PRXL2B: variants seen among roughly 807,000 people sequenced by gnomAD.
The protein encoded by PRXL2B is prostamide/prostaglandin F synthase.
PRXL2B carries 26 observed loss-of-function variants against 24.4 expected under a neutral mutation model. That is an observed-to-expected ratio of 1.07 (90% CI 0.78 to 1.48). PRXL2B has a LOEUF of 1.48. Among genes scored for constraint, PRXL2B ranks in the 40% most tolerant of loss-of-function variants. PRXL2B has a pLI of 0.00. For missense variants in PRXL2B, 269 were observed against 264.8 expected (o/e 1.02, Z -0.11); for synonymous variants, 115 against 118.9 (o/e 0.97, Z 0.21).
In PRXL2B at chr1:2,587,093, C is replaced by T. The variant is rs1485132279; in HGVS notation, c.66C>T (p.Ala22=). The T allele has an allele frequency of 1.3e-6, 2 of 1,529,420 alleles. No individual in the cohort carries two copies. The highest frequency in any genetic ancestry group is 1.4e-5 in the African/African-American group (1 of 71,686). 94.7% of individuals were successfully genotyped at this position (1,529,420 alleles called of 1,614,324 possible). Residue 22 remains alanine (A), a splice_region_variant and synonymous_variant, in exon 2 of 7, where the codon GCC becomes GCT. Coordinates refer to ENST00000419916, the MANE Select transcript of PRXL2B (RefSeq NM_152371.5). This position sits in a 1 kb window ranked among gnomAD's most constrained non-coding sequence, Gnocchi z 6.1. ...CILKHAVTGE[A]VELRSLWREH... ...CCCATGACCCAGCCGCCCGGCAGGC[C>T]GTGGAGCTGCGGAGCCTGTGGCGGG...
At chr1:2,589,156 T>G in intron 6 of PRXL2B, 116 bp downstream of exon 6, 1 of 1,104,110 alleles carries the variant, frequency 9.1e-7, no homozygotes, top group Non-Finnish European at 1.3e-6. Flanking sequence ...ATCATGCCAA[T>G]TGTGCCCTGG....
rs748511473 is a variant in PRXL2B, at chr1:2,587,308, C to T, written c.268+13C>T. Reference sequence around the variant, plus strand: ...TACTTCGCGGGAGGTGCGTCCTGTTCCCCGCCGCGGCGGCGCACATACCCT... The same window carrying T: ...TACTTCGCGGGAGGTGCGTCCTGTTTCCCGCCGCGGCGGCGCACATACCCT... On this transcript the variant is annotated intron_variant, in intron 2 of 6. Coordinates refer to ENST00000419916, the MANE Select transcript of PRXL2B (RefSeq NM_152371.5). This position sits in a 1 kb window ranked among gnomAD's most constrained non-coding sequence, Gnocchi z 6.1. 7.1e-6 allele frequency: 11 copies of T among 1,552,952 alleles called. No homozygotes were observed. The highest frequency in any genetic ancestry group is 3.5e-5 in the South Asian group (3 of 85,392).
chr1:2,587,322 C>T lies in PRXL2B; in HGVS notation c.268+27C>T. On this transcript the variant is annotated intron_variant, in intron 2 of 6. Coordinates refer to ENST00000419916, the MANE Select transcript of PRXL2B (RefSeq NM_152371.5). The surrounding 1 kb of genome is among the most constrained non-coding windows in gnomAD (Gnocchi z 6.1). The stretch of plus-strand genomic sequence containing the variant: ...TGCGTCCTGTTCCCCGCCGCGGCGG[C>T]GCACATACCCTTCCCTAAGCTCAGG... 1 of 1,542,662 alleles carries T rather than the reference C, an allele frequency of 6.5e-7. No individual in the cohort carries two copies. Among genetic ancestry groups the T allele is most frequent in the Non-Finnish European group, 8.7e-7 (1 of 1,150,030 alleles).
In PRXL2B at chr1:2,590,914, G is replaced by T. The variant is rs1253641427; in HGVS notation, c.*1487G>T. On this transcript the variant is annotated 3_prime_UTR_variant, in exon 7 of 7. Coordinates refer to ENST00000419916, the MANE Select transcript of PRXL2B (RefSeq NM_152371.5). ...GCCGGGGCGGGACGTACACTGGGTC[G>T]CCGCTAGCTGCACCTTCGCACAGAT... 8.6e-7 allele frequency: 1 copy of T among 1,164,038 alleles called. No homozygotes were observed. Among genetic ancestry groups the T allele is most frequent in the Non-Finnish European group, 1.1e-6 (1 of 886,978 alleles). 72.1% of individuals were successfully genotyped at this position (1,164,038 alleles called of 1,614,324 possible).
rs1348424042 is a variant in PRXL2B, at chr1:2,591,244, C to A, written c.*1817C>A. On this transcript the variant is annotated 3_prime_UTR_variant, in exon 7 of 7. Transcript: ENST00000419916. ...TTTCAACCATGAGATAAACCCCCAT[C>A]TGACCAGAAACATGCCAATCCTGAG... 1.5e-5 allele frequency: 9 copies of A among 607,894 alleles called. No individual in the cohort carries two copies. Among genetic ancestry groups the A allele is most frequent in the Non-Finnish European group, 2.6e-5 (9 of 348,518 alleles). The allele number at this position is 607,894 out of a possible 1,614,324, so 37.7% of individuals were successfully genotyped here.
Position 2,586,904 on chromosome 1 carries a change from G to C in PRXL2B, c.19G>C (p.Ala7Pro), listed in dbSNP as rs542158618. 57 of 1,311,592 alleles carry C rather than the reference G, an allele frequency of 4.3e-5. 1 individual carries two copies. The East Asian group carries it at 1.7e-3, about 39-fold the overall frequency. 81.2% of individuals were successfully genotyped at this position (1,311,592 alleles called of 1,614,324 possible). A position where few individuals can be genotyped will look rare whatever the true frequency, so the allele number is the denominator to read the frequency against. ...GGCCGCCATGAGCACGGTGGACCTT[G>C]CTCGCGTGGGCGCGTGCATCCTGAA... MSTVDLARVGACILKHA... is the reference protein window; with the variant it reads MSTVDLPRVGACILKHA... Residue 7 changes from alanine to proline, a missense_variant, in exon 1 of 7, where the codon GCT (alanine) becomes CCT (proline). Physicochemically the swap from Ala to Pro is conservative, Grantham distance 27. Transcript: ENST00000419916.
chr1:2,588,158 C>T (rs1644573493), intron 3 of PRXL2B, among the ~76,000 whole-genome samples: 1 of 152,168 alleles, frequency 6.6e-6, no homozygotes, highest in South Asian at 2.1e-4. Context: ...GGGGCCCCAT[C>T]CATGCTCCCT....
chr1:2,590,945 C>G lies in PRXL2B; in HGVS notation c.*1518C>G, dbSNP rs61729818. The G allele has an allele frequency of 3.5e-6, 5 of 1,410,884 alleles. No homozygotes were observed. The highest frequency in any genetic ancestry group is 1.5e-5 in the South Asian group (1 of 64,950). The allele number at this position is 1,410,884 out of a possible 1,614,324, so 87.4% of individuals were successfully genotyped here. ...AGCTGCACCTTCGCACAGATGCCTC[C>G]GAGCAGCGGGTGGGCGTGGGCCGCA... On this transcript the variant is annotated 3_prime_UTR_variant, in exon 7 of 7. Coordinates refer to ENST00000419916, the MANE Select transcript of PRXL2B (RefSeq NM_152371.5).
Position 2,587,426 on chromosome 1 carries a change from C to G in PRXL2B, c.268+131C>G. 9.3e-7 allele frequency: 1 copy of G among 1,076,662 alleles called. No homozygotes were observed. 66.7% of individuals were successfully genotyped at this position (1,076,662 alleles called of 1,614,324 possible). On this transcript the variant is annotated intron_variant, in intron 2 of 6. Transcript: ENST00000419916. This position sits in a 1 kb window ranked among gnomAD's most constrained non-coding sequence, Gnocchi z 6.1. ...CTTGATATGCCCACGGGTCAGCGTCCCTCATCTCTCCCTGCCTCCCCGCCC... is the reference window on the plus strand; with the variant it reads ...CTTGATATGCCCACGGGTCAGCGTCGCTCATCTCTCCCTGCCTCCCCGCCC...
chr1:2,588,656 C>G, intron 5 of PRXL2B, 31 bp downstream of exon 5: 3 of 1,605,956 alleles, frequency 1.9e-6, no homozygotes, highest in Middle Eastern at 1.7e-4. Context: ...CGGCCACTGC[C>G]TCAAGGAGGG....
chr1:2,589,288 G>T, intron 6 of PRXL2B, 122 bp from the exon 7 acceptor site: 2 of 1,415,068 alleles, frequency 1.4e-6, no homozygotes, highest in South Asian at 2.6e-5. Flanking sequence ...GACACATGGG[G>T]TGGCGGGCAG....
Position 2,588,448 on chromosome 1 carries a change from G to T in PRXL2B, c.379G>T (p.Ala127Ser), listed in dbSNP as rs771918774. The T allele has an allele frequency of 1.2e-6, 2 of 1,614,046 alleles. No individual in the cohort carries two copies. Among genetic ancestry groups the T allele is most frequent in the East Asian group, 2.2e-5 (1 of 44,896 alleles). ...GGGGAAGCCCGTGCGTGATGTGGCT[G>T]CCAAGGTGTGTGCGGGTCAAGGGTG... ...ALGKPVRDVA[A>S]KAKAVGIQGN... Residue 127 changes from alanine to serine, a missense_variant, in exon 4 of 7, where the codon GCC becomes TCC. Transcript: ENST00000419916.
At chr1:2,586,776 C>A, upstream of PRXL2B, 1 of 1,226,454 alleles carries the variant, frequency 8.2e-7, no homozygotes, top group Non-Finnish European at 1.0e-6. Flanking sequence ...CATCTCGGGG[C>A]GGGGCTTGGG....
upstream of PRXL2B, chr1:2,586,547 G>A (rs1644519448): frequency 1.0e-5 from 4 of 394,404 alleles, no homozygotes; most frequent in East Asian, 1.5e-4. Flanking sequence ...GACCGAAGCA[G>A]GCGGACCCAG....
At position 2,591,095 on chromosome 1, in the gene PRXL2B, G is replaced by A; in HGVS notation, c.*1668G>A. 1 of 1,552,786 alleles carries A rather than the reference G, an allele frequency of 6.4e-7. No homozygotes were observed. The highest frequency in any genetic ancestry group is 8.7e-7 in the Non-Finnish European group (1 of 1,150,210). On this transcript the variant is annotated 3_prime_UTR_variant, in exon 7 of 7. Coordinates refer to ENST00000419916, the MANE Select transcript of PRXL2B (RefSeq NM_152371.5). ...TCTGCAGCGACCCCAGTACCCTGTG[G>A]GTGGGTGGGTGTGACAGCAGGAGCA...
chr1:2,587,827 G>A lies in PRXL2B; in HGVS notation c.320+35G>A. Reference sequence around the variant, plus strand: ...GGCGGGAACCCTTGGGTAGCGTGGGGTGGGGGGCCCAGGGGTTCCCACCGC... The same window carrying A: ...GGCGGGAACCCTTGGGTAGCGTGGGATGGGGGGCCCAGGGGTTCCCACCGC... On this transcript the variant is annotated intron_variant, in intron 3 of 6. Transcript: ENST00000419916. The surrounding 1 kb of genome is among the most constrained non-coding windows in gnomAD (Gnocchi z 6.1). The A allele has an allele frequency of 1.3e-6, 2 of 1,561,956 alleles. No individual in the cohort carries two copies. The highest frequency in any genetic ancestry group is 1.2e-5 in the South Asian group (1 of 86,270).
At chr1:2,588,744 G>A in intron 5 of PRXL2B, 119 bp downstream of exon 5, 5 of 1,279,588 alleles carry the variant, frequency 3.9e-6, no homozygotes, top group Non-Finnish European at 4.4e-6. Flanking sequence ...GCCGCAATGT[G>A]GCCTGGTTCT....
upstream of PRXL2B, chr1:2,586,627 C>A: frequency 1.2e-6 from 1 of 825,942 alleles, no homozygotes; most frequent in Non-Finnish European, 1.6e-6. Flanking sequence ...AGGGGCGAAT[C>A]CGAGGGGGCG....
rs936356886 is a variant in PRXL2B, at chr1:2,587,864, T to A, written c.320+72T>A. On this transcript the variant is annotated intron_variant, in intron 3 of 6. Coordinates refer to ENST00000419916, the MANE Select transcript of PRXL2B (RefSeq NM_152371.5). The surrounding 1 kb of genome is among the most constrained non-coding windows in gnomAD (Gnocchi z 6.1). ...GGGGTTCCCACCGCTCCCTGCCACC[T>A]CCTCTCCCTGCTGCCCTCTGTGGTG... is the stretch of plus-strand genomic sequence containing the variant. 1 of 1,505,870 alleles carries A rather than the reference T, an allele frequency of 6.6e-7. No homozygotes were observed. The highest frequency in any genetic ancestry group is 9.0e-7 in the Non-Finnish European group (1 of 1,110,660). 93.3% of individuals were successfully genotyped at this position (1,505,870 alleles called of 1,614,324 possible). A position where few individuals can be genotyped will look rare whatever the true frequency, so the allele number is the denominator to read the frequency against.
Sources: gnomAD v4.1 joint callset for allele counts (sites outside exome capture counted in the v4.1 genomes callset) on GRCh38, gnomAD v4.1.1 for gene constraint, Gnocchi (gnomAD v3.1) non-coding constraint, MANE v1.5 for transcripts, NCBI Gene and HGNC (gene_info 2026-07-23, HGNC 2026-07-21) for gene names.